The following FAH variants were observed in gnomAD, a reference collection of about 807,000 sequenced individuals.
FAH encodes the protein fumarylacetoacetase.
FAH carries 47 observed loss-of-function variants against 55.8 expected under a neutral mutation model. The ratio of observed to expected loss-of-function variants is 0.84; its 90% confidence interval spans 0.67 to 1.07. The LOEUF (loss-of-function observed/expected upper bound fraction) is 1.07. Ranked by LOEUF, FAH falls within the 50% of genes least tolerant of loss-of-function variation. The pLI is 0.00. For missense variants in FAH, 495 were observed against 545.9 expected (o/e 0.91, Z 0.93); for synonymous variants, 199 against 207.7 (o/e 0.96, Z 0.36).
chr15:80,161,301 CT>C (rs2041146942), intron 4 of FAH, among the ~76,000 whole-genome samples: 2 of 100,962 alleles, frequency 2.0e-5, no homozygotes, highest in Non-Finnish European at 4.2e-5. Flanking sequence ...TGGATTTATT[CT>C]TTTGAAAAAT....
chr15:80,168,545 A>G, intron 7 of FAH: 2 of 589,870 alleles, frequency 3.4e-6, no homozygotes, highest in Non-Finnish European at 3.0e-6. Flanking sequence ...GTAAGTCCAG[A>G]ATTAATATTC....
chr15:80,181,305 T>G, intron 13 of FAH, 146 bp downstream of exon 13: 1 of 656,108 alleles, frequency 1.5e-6, no homozygotes, highest in Non-Finnish European at 2.8e-6. Context: ...GCTTGTTCTG[T>G]CCTTCCCCAC....
chr15:80,153,344 C>G (rs1402225600), intron 1 of FAH, among the ~76,000 whole-genome samples: 1 of 152,208 alleles, frequency 6.6e-6, no homozygotes, highest in East Asian at 1.9e-4. Context: ...AACTTTTCAG[C>G]CTCATTGTCC....
chr15:80,172,970 C>T, intron 8 of FAH, 44 bp from the exon 9 acceptor site: 1 of 1,614,058 alleles, frequency 6.2e-7, no homozygotes, highest in Non-Finnish European at 8.5e-7. Context: ...TGGGAGATGC[C>T]CTGATCAGCC....
At chr15:80,161,319 GC>G (rs532402906) in intron 4 of FAH, among the ~76,000 whole-genome samples, 75 of 147,842 alleles carry the variant, frequency 5.1e-4, no homozygotes, top group African/African-American at 1.8e-3. Context: ...AAATCTCTCA[GC>G]TATTACTTCT....
chr15:80,184,287 C>A (rs1188374300), intron 13 of FAH, among the ~76,000 whole-genome samples: 1 of 152,068 alleles, frequency 6.6e-6, no homozygotes, highest in East Asian at 1.9e-4. Context: ...AATATCTGAG[C>A]AAAAGTCTTT....
intron 4 of FAH, among the ~76,000 whole-genome samples, chr15:80,161,556 C>T (rs2041148930): frequency 6.6e-6 from 1 of 152,042 alleles, no homozygotes; most frequent in Non-Finnish European, 1.5e-5. Context: ...GGTAGATATG[C>T]CTACAGCTTG....
At chr15:80,170,091 C>G (rs1211633759) in intron 7 of FAH, among the ~76,000 whole-genome samples, 1 of 152,150 alleles carries the variant, frequency 6.6e-6, no homozygotes, top group Non-Finnish European at 1.5e-5. Context: ...GTGAGGGGAC[C>G]AGGGAAGTGA....
chr15:80,180,867 G>A (rs566470920), intron 12 of FAH, among the ~76,000 whole-genome samples, 175 bp from the exon 13 acceptor site: 16 of 152,272 alleles, frequency 1.1e-4, no homozygotes, highest in Non-Finnish European at 2.9e-5. Flanking sequence ...AAGGGGCAGA[G>A]TTCCATGTCT....
In FAH at chr15:80,164,364, C is replaced by G. The variant is rs571596465; in HGVS notation, c.455+2028C>G. Reference sequence around the variant, plus strand: ...TTGACCTTGCCTCTGTCTATAAGGACCCTTGTGATTACATTTAGGGTTCAC... The same window carrying G: ...TTGACCTTGCCTCTGTCTATAAGGAGCCTTGTGATTACATTTAGGGTTCAC... On this transcript the variant is annotated intron_variant, in intron 5 of 13. Coordinates refer to ENST00000561421, the MANE Select transcript of FAH (RefSeq NM_000137.4). Among the ~76,000 whole-genome samples the G allele has an allele frequency of 2.0e-5, 3 of 152,320 alleles. No individual in the cohort carries two copies. The South Asian group carries it at 6.2e-4, about 32-fold the overall frequency.
intron 11 of FAH, among the ~76,000 whole-genome samples, chr15:80,178,825 T>C (rs1034755841): frequency 2.0e-5 from 3 of 152,042 alleles, no homozygotes; most frequent in African/African-American, 7.2e-5. Flanking sequence ...CCTGACCTTG[T>C]GATCCGCCCG....
At chr15:80,160,261 A>T in intron 3 of FAH, 149 bp from the exon 4 acceptor site, 1 of 801,342 alleles carries the variant, frequency 1.2e-6, no homozygotes, top group Non-Finnish European at 2.2e-6. Flanking sequence ...CTCAGCTGTG[A>T]AAGGTTCAGC....
At chr15:80,166,830 G>A (rs911956420) in intron 5 of FAH, 2 of 151,608 alleles carry the variant, frequency 1.3e-5, no homozygotes, top group African/African-American at 4.8e-5. Flanking sequence ...TAGAGACAGG[G>A]TTTCACCTGT....
At position 80,165,082 on chromosome 15, in the gene FAH, T is replaced by TA. The variant is rs2041180069; in HGVS notation, c.455+2751dup. On this transcript the variant is annotated intron_variant, in intron 5 of 13. Transcript: ENST00000561421. ...ATTACACAGTAAAATATCATTTTTATAAAAAGATACAAAAATACAGTACAG... is the reference window on the plus strand; with the variant it reads ...ATTACACAGTAAAATATCATTTTTATAAAAAAGATACAAAAATACAGTACAG... 2.6e-5 allele frequency among the ~76,000 whole-genome samples: 4 copies of TA among 152,318 alleles called. No individual in the cohort carries two copies. In the South Asian group the frequency reaches 8.3e-4, roughly 32 times the overall value.
rs2041273627 is a variant in FAH, at chr15:80,175,323, T to G, written c.913+232T>G. On this transcript the variant is annotated intron_variant, in intron 10 of 13. Coordinates refer to ENST00000561421, the MANE Select transcript of FAH (RefSeq NM_000137.4). ...AACCCTGTCACTGAGCTCTCAGTGG[T>G]AGGGCTGAAAGGATGGAGTCCGGGA... is the stretch of plus-strand genomic sequence containing the variant. Among the ~76,000 whole-genome samples, 4 of 151,956 alleles carry G rather than the reference T, an allele frequency of 2.6e-5. No homozygotes were observed. In the South Asian group the frequency reaches 8.3e-4, roughly 32 times the overall value.
At chr15:80,153,190 G>A (rs2041067925) in intron 1 of FAH, 55 bp downstream of exon 1, 2 of 1,094,766 alleles carry the variant, frequency 1.8e-6, no homozygotes, top group Non-Finnish European at 2.6e-6. Flanking sequence ...GTGGAGTGGA[G>A]TGGAGTGGAG....
chr15:80,163,994 G>A (rs1447265705), intron 5 of FAH, among the ~76,000 whole-genome samples: 2 of 152,268 alleles, frequency 1.3e-5, no homozygotes, highest in South Asian at 2.1e-4. Context: ...TAAACTATAG[G>A]CAATTAGGTA....
At chr15:80,181,532 G>C (rs930441858) in intron 13 of FAH, among the ~76,000 whole-genome samples, 1 of 152,176 alleles carries the variant, frequency 6.6e-6, no homozygotes, top group Non-Finnish European at 1.5e-5. Context: ...CTTCGCAGCA[G>C]CCTGTTCCAA....
At chr15:80,173,291 T>C in intron 9 of FAH, 147 bp downstream of exon 9, 1 of 1,051,060 alleles carries the variant, frequency 9.5e-7, no homozygotes, top group Non-Finnish European at 1.5e-6. Flanking sequence ...GCCTGGGAGT[T>C]CCTGGCCACG....
Sources: allele counts gnomAD v4.1 joint callset (sites outside exome capture counted in the v4.1 genomes callset), GRCh38; gene constraint gnomAD v4.1.1; transcripts MANE v1.5; gene names NCBI Gene and HGNC (gene_info 2026-07-23, HGNC 2026-07-21).